The following TMEM74 variants were observed in gnomAD, a reference collection of about 807,000 sequenced individuals.
The protein encoded by TMEM74 is transmembrane protein 74.
Under a neutral mutation model 18.1 loss-of-function variants are expected in TMEM74, and 13 were observed. That is an observed-to-expected ratio of 0.72 (90% CI 0.47 to 1.14). The LOEUF (loss-of-function observed/expected upper bound fraction) is 1.14, where lower values mean the gene tolerates loss of function less well. Among genes scored for constraint, TMEM74 ranks in the 50% most tolerant of loss-of-function variants. The pLI is 0.00. For synonymous variants in TMEM74, 159 were observed against 146.6 expected, an observed-to-expected ratio of 1.08 and a Z score of -0.61; for missense variants, 372 against 375.9, an observed-to-expected ratio of 0.99 and a Z score of 0.09.
intron 1 of TMEM74, among the ~76,000 whole-genome samples, chr8:108,666,365 T>G (rs1394395967): frequency 6.6e-6 from 1 of 152,188 alleles, no homozygotes; most frequent in East Asian, 1.9e-4. Flanking sequence ...GTGTTGGCAA[T>G]AATTCCTAAA....
At chr8:108,763,016 C>A (rs557171901) in intron 1 of TMEM74, among the ~76,000 whole-genome samples, 103 of 152,220 alleles carry the variant, frequency 6.8e-4, no homozygotes, top group Middle Eastern at 3.4e-3. Flanking sequence ...TAAATGAAAG[C>A]ACACATAAGA....
intron 1 of TMEM74, among the ~76,000 whole-genome samples, chr8:108,749,536 T>G (rs113044795): frequency 0.037 from 5,618 of 152,266 alleles, 266 homozygotes; most frequent in African/African-American, 0.11. Context: ...CCTATCAGCT[T>G]AAGAAGCTTT....
At chr8:108,685,635 A>G (rs796897285) in intron 1 of TMEM74, among the ~76,000 whole-genome samples, 2 of 152,208 alleles carry the variant, frequency 1.3e-5, no homozygotes, top group Non-Finnish European at 2.9e-5. Context: ...TTCTATCATG[A>G]CAACTGGAAT....
At chr8:108,639,864 G>A (rs1812645672) in intron 2 of TMEM74, among the ~76,000 whole-genome samples, 1 of 152,124 alleles carries the variant, frequency 6.6e-6, no homozygotes, top group South Asian at 2.1e-4. Context: ...AATTTTTAAT[G>A]TATTGGATTT....
intron 1 of TMEM74, among the ~76,000 whole-genome samples, chr8:108,773,388 TTAAG>T (rs1350994796): frequency 7.2e-5 from 11 of 152,280 alleles, no homozygotes; most frequent in African/African-American, 2.4e-4. Flanking sequence ...AAAATACTAA[TTAAG>T]TAAAGAGGTA....
chr8:108,729,399 G>A (rs1390047872), intron 1 of TMEM74, among the ~76,000 whole-genome samples: 1 of 152,220 alleles, frequency 6.6e-6, no homozygotes, highest in African/African-American at 2.4e-5. Flanking sequence ...TCTGGCTCAT[G>A]TGTTTAGATT....
chr8:108,675,650 C>A (rs1813049155), intron 1 of TMEM74, among the ~76,000 whole-genome samples: 1 of 152,162 alleles, frequency 6.6e-6, no homozygotes, highest in South Asian at 2.1e-4. Flanking sequence ...AAAAATAAAT[C>A]TTTTCTATTA....
intron 1 of TMEM74, among the ~76,000 whole-genome samples, chr8:108,736,491 C>G (rs1813750933): frequency 6.6e-6 from 1 of 152,078 alleles, no homozygotes; most frequent in Non-Finnish European, 1.5e-5. Context: ...CAGTATTTCT[C>G]CTTCCTGTTG....
intron 2 of TMEM74, among the ~76,000 whole-genome samples, chr8:108,625,461 G>T (rs1812484729): frequency 6.6e-6 from 1 of 151,934 alleles, no homozygotes; most frequent in South Asian, 2.1e-4. Flanking sequence ...TTGCTTTCCA[G>T]TTCACAAGTA....
At chr8:108,719,646 C>T (rs1475389377) in intron 1 of TMEM74, among the ~76,000 whole-genome samples, 2 of 151,898 alleles carry the variant, frequency 1.3e-5, no homozygotes, top group African/African-American at 4.8e-5. Flanking sequence ...TTTAAATATC[C>T]AAACTGGAAT....
intron 1 of TMEM74, among the ~76,000 whole-genome samples, chr8:108,750,559 C>G (rs1813895138): frequency 6.6e-6 from 1 of 152,066 alleles, no homozygotes; most frequent in South Asian, 2.1e-4. Context: ...GGGGCCATTT[C>G]CTGACAGTCC....
chr8:108,784,379 C>A lies in TMEM74; in HGVS notation c.720G>T (p.Thr240=), dbSNP rs768735594. 1.2e-6 allele frequency: 2 copies of A among 1,613,982 alleles called. No individual in the cohort carries two copies. Among genetic ancestry groups the A allele is most frequent in the Non-Finnish European group, 1.7e-6 (2 of 1,180,036 alleles). ...RCVIAGLCLL[T]LGGVILSCLL... is the part of the protein sequence containing the mutation. ...AGCAGGACAGGATGACGCCCCCCAG[C>A]GTGAGGAGGCAGAGCCCCGCAATCA... The change falls in exon 2 of 2, where the codon ACG becomes ACT. Residue 240 remains threonine (T), a synonymous_variant. Transcript: ENST00000297459.
At chr8:108,631,467 G>A (rs1462762620) in intron 2 of TMEM74, among the ~76,000 whole-genome samples, 1 of 151,988 alleles carries the variant, frequency 6.6e-6, no homozygotes, top group Non-Finnish European at 1.5e-5. Flanking sequence ...TTTCCACTTG[G>A]TGTCAAAAGC....
Position 108,760,147 on chromosome 8 carries a change from T to TGG in TMEM74, n.119+27327_119+27328dup, listed in dbSNP as rs1262563200. Among the ~76,000 whole-genome samples, 128 of 133,864 alleles carry TGG rather than the reference T, an allele frequency of 9.6e-4. 1 individual carries two copies. The highest frequency in any genetic ancestry group is 3.8e-3 in the African/African-American group (118 of 31,328). 87.8% of individuals were successfully genotyped at this position (133,864 alleles called of 152,430 possible). A position where few individuals can be genotyped will look rare whatever the true frequency, so the allele number is the denominator to read the frequency against. ...AGGATTGCGCCACTGTTCTGCAGACTGGGAGAGAGAGAGAGAGAGAGAGAG... is the reference window on the plus strand; with the variant it reads ...AGGATTGCGCCACTGTTCTGCAGACTGGGGGAGAGAGAGAGAGAGAGAGAGAG... On this transcript the variant is annotated intron_variant and non_coding_transcript_variant, in intron 1 of 3. Coordinates refer to the TMEM74 transcript ENST00000518838.
At chr8:108,681,466 G>A (rs1813114690) in intron 1 of TMEM74, among the ~76,000 whole-genome samples, 1 of 152,232 alleles carries the variant, frequency 6.6e-6, no homozygotes, top group South Asian at 2.1e-4. Context: ...CTAGCCATAT[G>A]TGGAAAGCTG....
chr8:108,631,416 G>A (rs147565316), intron 2 of TMEM74, among the ~76,000 whole-genome samples: 1 of 152,064 alleles, frequency 6.6e-6, no homozygotes, highest in African/African-American at 2.4e-5. Flanking sequence ...TTAGCTTTCC[G>A]AGAATTTTTG....
chr8:108,714,543 G>A (rs568081834), intron 1 of TMEM74, among the ~76,000 whole-genome samples: 9 of 152,286 alleles, frequency 5.9e-5, no homozygotes, highest in South Asian at 2.1e-4. Context: ...AGATGTTGGC[G>A]AGGCAGCAAA....
chr8:108,721,404 C>T (rs1462197246), intron 1 of TMEM74, among the ~76,000 whole-genome samples: 2 of 152,240 alleles, frequency 1.3e-5, no homozygotes, highest in African/African-American at 2.4e-5. Flanking sequence ...TTTGCTCTAG[C>T]GACACTAGTC....
In TMEM74 at chr8:108,661,482, A is replaced by G. The variant is rs1812899678; in HGVS notation, n.120-6045T>C. ...TTGGTCTTTTTGTTTGCAATTTAAGATTGGAATCTTTCAAAGAAAATGGAA... is the reference window on the plus strand; with the variant it reads ...TTGGTCTTTTTGTTTGCAATTTAAGGTTGGAATCTTTCAAAGAAAATGGAA... On this transcript the variant is annotated intron_variant and non_coding_transcript_variant, in intron 1 of 3. Coordinates refer to the TMEM74 transcript ENST00000518838. 3.4e-5 allele frequency among the ~76,000 whole-genome samples: 5 copies of G among 147,992 alleles called. No individual in the cohort carries two copies. The Admixed American group carries it at 3.4e-4, about 10-fold the overall frequency.
Sources: gnomAD v4.1 joint callset for allele counts (sites outside exome capture counted in the v4.1 genomes callset) on GRCh38, gnomAD v4.1.1 for gene constraint, MANE v1.5 for transcripts, NCBI Gene and HGNC (gene_info 2026-07-23, HGNC 2026-07-21) for gene names.